Variants in TXNDC16 observed in about 807,000 individuals in gnomAD.
TXNDC16 encodes thioredoxin domain containing 16, also known as thioredoxin domain-containing protein 16.
A neutral mutation model predicts 85.6 loss-of-function variants in TXNDC16; 74 were observed. The ratio of observed to expected loss-of-function variants is 0.86; its 90% CI spans 0.72 to 1.05. The LOEUF is 1.05. TXNDC16 is among the 50% of genes least tolerant of loss of function. The pLI is 0.00. For synonymous variants in TXNDC16, 335 were observed against 326.5 expected (o/e 1.03, Z -0.28); for missense variants, 959 against 947.0 (o/e 1.01, Z -0.17).
intron 6 of TXNDC16, among the ~76,000 whole-genome samples, chr14:52,526,978 G>A (rs1051691876): frequency 4.6e-5 from 7 of 152,350 alleles, no homozygotes; most frequent in African/African-American, 7.2e-5. Flanking sequence ...GCATGCCAGC[G>A]GAGGGCAGCA....
intron 6 of TXNDC16, among the ~76,000 whole-genome samples, chr14:52,528,325 T>C (rs2037386361): frequency 6.6e-6 from 1 of 152,158 alleles, no homozygotes; most frequent in Non-Finnish European, 1.5e-5. Flanking sequence ...ACACATATTC[T>C]CTAACGCAGG....
At chr14:52,463,400 C>G (rs2035698896) in intron 16 of TXNDC16, among the ~76,000 whole-genome samples, 2 of 152,232 alleles carry the variant, frequency 1.3e-5, no homozygotes, top group South Asian at 4.2e-4. Flanking sequence ...ATTTCTGACA[C>G]CATCTGTTAA....
At chr14:52,530,466 T>TATATATTATTATATAATAATATATA (rs2037520515) in intron 6 of TXNDC16, among the ~76,000 whole-genome samples, 1 of 1,278 alleles carries the variant, frequency 7.8e-4, no homozygotes, top group Non-Finnish European at 1.1e-3. Context: ...TAATATATAT[T>TATATATTATTATATAATAATATATA]ATATATTATT....
At chr14:52,536,411 G>A (rs2037701760) in intron 6 of TXNDC16, among the ~76,000 whole-genome samples, 1 of 152,100 alleles carries the variant, frequency 6.6e-6, no homozygotes, top group Non-Finnish European at 1.5e-5. Flanking sequence ...ACTGTATTTT[G>A]TTATAGCAGC....
intron 8 of TXNDC16, among the ~76,000 whole-genome samples, chr14:52,513,143 C>T (rs964846280): frequency 2.0e-5 from 3 of 152,106 alleles, no homozygotes; most frequent in Non-Finnish European, 2.9e-5. Context: ...ATCTCTTTTA[C>T]TACCTATCAT....
intron 20 of TXNDC16, among the ~76,000 whole-genome samples, chr14:52,433,279 G>T (rs1397905910): frequency 6.6e-6 from 1 of 152,010 alleles, no homozygotes; most frequent in African/African-American, 2.4e-5. Context: ...TTAAAATATT[G>T]GTTATTGAAA....
At position 52,536,822 on chromosome 14, in the gene TXNDC16, T is replaced by C. The variant is rs1201078027; in HGVS notation, c.318-29A>G. ...TAAAAAGTTTAAAAACATATTAATATTGAAAAATACAAAAAATATTTCCTT... is the reference window on the plus strand; with the variant it reads ...TAAAAAGTTTAAAAACATATTAATACTGAAAAATACAAAAAATATTTCCTT... On this transcript the variant is annotated intron_variant, in intron 5 of 20. Transcript: ENST00000281741. 7 of 1,531,302 alleles carry C rather than the reference T, an allele frequency of 4.6e-6. No homozygotes were observed. In the African/African-American group the frequency reaches 8.4e-5, roughly 18 times the overall value. The allele number at this position is 1,531,302 out of a possible 1,614,324, so 94.9% of individuals were successfully genotyped here.
At chr14:52,508,371 G>A (rs1162520978) in intron 9 of TXNDC16, among the ~76,000 whole-genome samples, 9 of 152,258 alleles carry the variant, frequency 5.9e-5, no homozygotes, top group South Asian at 2.1e-4. Flanking sequence ...ATGAGATACC[G>A]TCTCACATCA....
At chr14:52,480,838 A>G (rs778848389) in intron 14 of TXNDC16, among the ~76,000 whole-genome samples, 4 of 151,804 alleles carry the variant, frequency 2.6e-5, no homozygotes, top group Non-Finnish European at 5.9e-5. Context: ...ATAAGTCACT[A>G]TATGAAAAAG....
At chr14:52,536,283 C>T (rs1334949725) in intron 6 of TXNDC16, among the ~76,000 whole-genome samples, 7 of 152,216 alleles carry the variant, frequency 4.6e-5, no homozygotes, top group Non-Finnish European at 8.8e-5. Context: ...CCTCACCCAA[C>T]ACCAAATCTG....
chr14:52,538,874 T>A (rs971984111), intron 4 of TXNDC16, among the ~76,000 whole-genome samples: 2 of 152,168 alleles, frequency 1.3e-5, no homozygotes, highest in African/African-American at 4.8e-5. Flanking sequence ...AAACAGGAAC[T>A]GACACTAAGA....
chr14:52,490,001 CA>C (rs2036363310), intron 11 of TXNDC16, among the ~76,000 whole-genome samples: 1 of 151,930 alleles, frequency 6.6e-6, no homozygotes, highest in African/African-American at 2.4e-5. Context: ...CACACCCAGC[CA>C]ATTTTTTGTA....
intron 20 of TXNDC16, among the ~76,000 whole-genome samples, chr14:52,438,406 T>A (rs192322107): frequency 1.0e-3 from 155 of 152,296 alleles, no homozygotes; most frequent in African/African-American, 3.2e-3. Context: ...AACTACCACC[T>A]GTCAGTTAGC....
At chr14:52,533,134 A>G (rs1218143227) in intron 6 of TXNDC16, among the ~76,000 whole-genome samples, 2 of 152,068 alleles carry the variant, frequency 1.3e-5, no homozygotes, top group Non-Finnish European at 2.9e-5. Context: ...TGGATGTACA[A>G]TGCTCTGGGG....
chr14:52,524,847 G>A (rs997576602), intron 6 of TXNDC16, among the ~76,000 whole-genome samples: 4 of 152,006 alleles, frequency 2.6e-5, no homozygotes, highest in African/African-American at 4.8e-5. Flanking sequence ...TGGGCTGGGC[G>A]TGGTGGCTCA....
chr14:52,475,002 A>G (rs2035988444), intron 14 of TXNDC16, among the ~76,000 whole-genome samples: 1 of 152,178 alleles, frequency 6.6e-6, no homozygotes, highest in South Asian at 2.1e-4. Flanking sequence ...AAACTGTGGA[A>G]GTGGGAAAGG....
intron 10 of TXNDC16, 67 bp downstream of exon 10, chr14:52,490,772 C>T: frequency 6.6e-7 from 1 of 1,509,756 alleles, no homozygotes; most frequent in Non-Finnish European, 9.0e-7. Context: ...ATTAAATTAC[C>T]ATATTTTAAA....
At chr14:52,481,691 A>C (rs2036155008) in intron 14 of TXNDC16, among the ~76,000 whole-genome samples, 1 of 152,130 alleles carries the variant, frequency 6.6e-6, no homozygotes, top group Non-Finnish European at 1.5e-5. Context: ...GGTAGCACAG[A>C]TATTTTCAGT....
At chr14:52,456,226 C>A (rs1264158715) in intron 17 of TXNDC16, among the ~76,000 whole-genome samples, 3 of 152,224 alleles carry the variant, frequency 2.0e-5, no homozygotes, top group Middle Eastern at 6.8e-3. Context: ...CTTAAAGGAA[C>A]CTCTTAGTTG....
Sources: allele counts gnomAD v4.1 joint callset (sites outside exome capture counted in the v4.1 genomes callset), GRCh38; gene constraint gnomAD v4.1.1; transcripts MANE v1.5; gene names NCBI Gene and HGNC (gene_info 2026-07-23, HGNC 2026-07-21).